CACNA2D3: variants seen among roughly 807,000 people sequenced by gnomAD.
The protein encoded by CACNA2D3 is calcium voltage-gated channel auxiliary subunit alpha2delta 3.
CACNA2D3 carries 60 observed loss-of-function variants against 160.6 expected under a neutral mutation model. The observed-to-expected ratio is 0.37, with a 90% CI of 0.30 to 0.46. CACNA2D3 has a LOEUF of 0.46. CACNA2D3 is among the 20% of genes least tolerant of loss of function. CACNA2D3 has a pLI of 1.00. For synonymous variants in CACNA2D3, 558 were observed against 492.9 expected (o/e 1.13, Z -1.75); for missense variants, 1,205 against 1,365.0 (o/e 0.88, Z 1.85).
intron 11 of CACNA2D3, among the ~76,000 whole-genome samples, chr3:54,677,627 G>A (rs1029258184): frequency 7.4e-5 from 11 of 148,370 alleles, no homozygotes; most frequent in Non-Finnish European, 1.0e-4. Context: ...TTTTGGGGGG[G>A]GGGCAACGTA....
At chr3:54,164,829 A>C (rs190001454) in intron 2 of CACNA2D3, among the ~76,000 whole-genome samples, 2 of 152,250 alleles carry the variant, frequency 1.3e-5, no homozygotes, top group Admixed American at 6.5e-5. Flanking sequence ...CAGGCCCGAC[A>C]CTTCCAGGCT....
chr3:54,888,959 T>A (rs1243936004), intron 24 of CACNA2D3, among the ~76,000 whole-genome samples: 2 of 152,182 alleles, frequency 1.3e-5, no homozygotes, highest in Non-Finnish European at 2.9e-5. Flanking sequence ...GAATCATAAC[T>A]GCTTTGAAGG....
chr3:54,150,198 C>A (rs903142442), intron 2 of CACNA2D3, among the ~76,000 whole-genome samples: 6 of 151,922 alleles, frequency 3.9e-5, no homozygotes, highest in Non-Finnish European at 8.8e-5. Context: ...AGATGAAAAA[C>A]CCCTAGAACT....
At chr3:54,938,902 C>T (rs1352812200) in intron 27 of CACNA2D3, among the ~76,000 whole-genome samples, 4 of 152,036 alleles carry the variant, frequency 2.6e-5, no homozygotes, top group African/African-American at 9.7e-5. Context: ...GACATGCTGT[C>T]CCGCTGAAGC....
Position 54,736,074 on chromosome 3 carries a change from CATATATATGTATGTGTATATAT to C in CACNA2D3, c.1168-16521_1168-16500del, listed in dbSNP as rs1559563677. Reference sequence around the variant, plus strand: ...ATACATATGTATGTATATATATATACATATATATGTATGTGTATATATATACATATATATGTATATATATACA... The same window carrying C: ...ATACATATGTATGTATATATATATACATACATATATATGTATATATATACA... On this transcript the variant is annotated intron_variant, in intron 11 of 37. Transcript: ENST00000474759. Among the ~76,000 whole-genome samples, 65 of 29,510 alleles carry C rather than the reference CATATATATGTATGTGTATATAT, an allele frequency of 2.2e-3. 4 individuals are homozygous for C. The highest frequency in any genetic ancestry group is 3.8e-3 in the Non-Finnish European group (53 of 13,842). 19.4% of individuals were successfully genotyped at this position (29,510 alleles called of 152,430 possible).
chr3:55,037,803 T>C (rs1703862657), intron 35 of CACNA2D3, among the ~76,000 whole-genome samples: 1 of 152,200 alleles, frequency 6.6e-6, no homozygotes, highest in African/African-American at 2.4e-5. Flanking sequence ...AACCATATTT[T>C]TAAAAGCAAA....
chr3:54,717,823 TGTG>T (rs1226346902), intron 11 of CACNA2D3, among the ~76,000 whole-genome samples: 1 of 143,996 alleles, frequency 6.9e-6, no homozygotes, highest in Non-Finnish European at 1.5e-5. Context: ...TTTGCGTGTG[TGTG>T]GTGTGTGTGC....
intron 3 of CACNA2D3, among the ~76,000 whole-genome samples, chr3:54,353,634 G>A (rs1487157503): frequency 6.6e-6 from 1 of 152,146 alleles, no homozygotes; most frequent in Non-Finnish European, 1.5e-5. Context: ...GCGCAGAGTA[G>A]TGTTTGAAAA....
intron 13 of CACNA2D3, among the ~76,000 whole-genome samples, chr3:54,795,302 GTTTTC>G (rs1441438217): frequency 6.6e-6 from 1 of 151,932 alleles, no homozygotes; most frequent in Non-Finnish European, 1.5e-5. Context: ...TTGTGTTCAT[GTTTTC>G]TTTTAAGTCT....
At chr3:54,369,428 G>A (rs1242882936) in intron 3 of CACNA2D3, among the ~76,000 whole-genome samples, 1 of 152,206 alleles carries the variant, frequency 6.6e-6, no homozygotes, top group Admixed American at 6.5e-5. Flanking sequence ...GCGGGCCTGA[G>A]GAACCGGACA....
intron 3 of CACNA2D3, among the ~76,000 whole-genome samples, chr3:54,382,222 A>G (rs1420562057): frequency 6.6e-6 from 1 of 152,240 alleles, no homozygotes; most frequent in Non-Finnish European, 1.5e-5. Flanking sequence ...TGCCTTTATA[A>G]TAGGTATAAT....
At chr3:54,817,386 C>A (rs1249387411) in intron 14 of CACNA2D3, among the ~76,000 whole-genome samples, 1 of 152,128 alleles carries the variant, frequency 6.6e-6, no homozygotes, top group African/African-American at 2.4e-5. Context: ...ATGGCCAGAC[C>A]CTTTCACTGG....
At chr3:54,337,133 C>G (rs112277376) in intron 3 of CACNA2D3, among the ~76,000 whole-genome samples, 8 of 152,272 alleles carry the variant, frequency 5.3e-5, no homozygotes, top group African/African-American at 1.9e-4. Flanking sequence ...TAGGCAGATA[C>G]GGCAAATGGT....
At chr3:54,762,837 A>G (rs1329958864) in intron 12 of CACNA2D3, among the ~76,000 whole-genome samples, 1 of 152,062 alleles carries the variant, frequency 6.6e-6, no homozygotes, top group Non-Finnish European at 1.5e-5. Flanking sequence ...CATGCCTGTA[A>G]TCCCAGCACT....
intron 35 of CACNA2D3, among the ~76,000 whole-genome samples, chr3:55,021,907 G>T (rs1232751008): frequency 2.6e-5 from 4 of 151,864 alleles, no homozygotes; most frequent in Non-Finnish European, 4.4e-5. Flanking sequence ...TTTAGTATCT[G>T]TGGAAACTTG....
Position 54,272,174 on chromosome 3 carries a change from C to T in CACNA2D3, c.205-48268C>T, listed in dbSNP as rs375426541. ...CCCATCCACAAGGAAGCTGGTGTGT[C>T]GGGAGTGACACGTGTTAGGTGGGCA... is the stretch of plus-strand genomic sequence containing the variant. On this transcript the variant is annotated intron_variant, in intron 2 of 37. Coordinates refer to ENST00000474759, the MANE Select transcript of CACNA2D3 (RefSeq NM_018398.3). Among the ~76,000 whole-genome samples, 4 of 152,290 alleles carry T rather than the reference C, an allele frequency of 2.6e-5. No homozygotes were observed. The South Asian group carries it at 8.3e-4, about 32-fold the overall frequency.
rs182538955 is a variant in CACNA2D3, at chr3:54,249,831, A to G, written c.205-70611A>G. Among the ~76,000 whole-genome samples, 100 of 151,572 alleles carry G rather than the reference A, an allele frequency of 6.6e-4. 3 individuals are homozygous for G. The East Asian group carries it at 0.012, about 19-fold the overall frequency. Reference sequence around the variant, plus strand: ...TCTTTTAATAATATCAAAGTGGTTCATTATGACCCTAGATAACTATAGACA... The same window carrying G: ...TCTTTTAATAATATCAAAGTGGTTCGTTATGACCCTAGATAACTATAGACA... On this transcript the variant is annotated intron_variant, in intron 2 of 37. Coordinates refer to ENST00000474759, the MANE Select transcript of CACNA2D3 (RefSeq NM_018398.3).
chr3:54,132,864 C>T (rs1400759396), intron 2 of CACNA2D3, among the ~76,000 whole-genome samples: 1 of 152,024 alleles, frequency 6.6e-6, no homozygotes, highest in Admixed American at 6.6e-5. Flanking sequence ...CCTCAGTGTT[C>T]GCACCTCTCA....
intron 13 of CACNA2D3, among the ~76,000 whole-genome samples, chr3:54,810,609 T>A (rs534470820): frequency 7.0e-4 from 107 of 152,336 alleles, no homozygotes; most frequent in African/African-American, 2.5e-3. Context: ...GGAATAAAGA[T>A]ATGTAGGCCA....
Sources: gnomAD v4.1 joint callset for allele counts (sites outside exome capture counted in the v4.1 genomes callset) on GRCh38, gnomAD v4.1.1 for gene constraint, MANE v1.5 for transcripts, NCBI Gene and HGNC (gene_info 2026-07-23, HGNC 2026-07-21) for gene names.